Variants in PCDHA6 observed in about 807,000 individuals in gnomAD.
PCDHA6 encodes protocadherin alpha 6.
In PCDHA6, 55 loss-of-function variants were observed where a neutral mutation model predicts 60.3. That is an observed-to-expected ratio of 0.91 (90% CI 0.73 to 1.14). PCDHA6 has a LOEUF of 1.14. PCDHA6 is among the 50% of genes most tolerant of loss of function. The probability of loss-of-function intolerance (pLI) is 0.00; values close to 1 mark genes in which losing one functional copy is unlikely to be tolerated. For synonymous variants in PCDHA6, 652 were observed against 557.9 expected (o/e 1.17, Z -2.38); for missense variants, 1,327 against 1,256.5 (o/e 1.06, Z -0.85).
intron 1 of PCDHA6, among the ~76,000 whole-genome samples, chr5:140,844,649 T>G (rs1416986157): frequency 6.7e-6 from 1 of 149,658 alleles, no homozygotes; most frequent in Non-Finnish European, 1.5e-5. Flanking sequence ...AATTTCATTC[T>G]TGCAAACCAA....
At chr5:140,905,944 A>G (rs2072219566) in intron 1 of PCDHA6, among the ~76,000 whole-genome samples, 3 of 152,216 alleles carry the variant, frequency 2.0e-5, no homozygotes, top group Non-Finnish European at 4.4e-5. Flanking sequence ...AGAACTTGGA[A>G]TCCGATGTTC....
intron 1 of PCDHA6, among the ~76,000 whole-genome samples, chr5:140,965,073 TCTGA>T (rs1372324599): frequency 1.3e-5 from 2 of 152,186 alleles, no homozygotes; most frequent in African/African-American, 4.8e-5. Context: ...CAGGTCTCAC[TCTGA>T]CTTTGTTCCA....
intron 1 of PCDHA6, chr5:140,877,849 TA>T: frequency 6.5e-7 from 1 of 1,545,946 alleles, no homozygotes; most frequent in Non-Finnish European, 8.7e-7. Context: ...AGTAAGTTAT[TA>T]ATATTATTTA....
At chr5:140,963,424 G>A (rs898407658) in intron 1 of PCDHA6, among the ~76,000 whole-genome samples, 7 of 152,194 alleles carry the variant, frequency 4.6e-5, no homozygotes, top group Non-Finnish European at 1.0e-4. Flanking sequence ...GCATGTTTAG[G>A]AACTAACTTC....
At chr5:140,905,408 C>G (rs1374273315) in intron 1 of PCDHA6, among the ~76,000 whole-genome samples, 1 of 152,142 alleles carries the variant, frequency 6.6e-6, no homozygotes, top group Non-Finnish European at 1.5e-5. Flanking sequence ...TATTTTTATA[C>G]CAGTACCATG....
At chr5:140,871,418 G>A in intron 1 of PCDHA6, 4 of 1,613,874 alleles carry the variant, frequency 2.5e-6, no homozygotes, top group Admixed American at 1.7e-5. Context: ...ATGGCCTTCA[G>A]CCCCAGTCTT....
chr5:140,842,961 G>A (rs1778431157), intron 1 of PCDHA6: 1 of 1,594,950 alleles, frequency 6.3e-7, no homozygotes, highest in African/African-American at 1.3e-5. Context: ...CCTCTGGGCA[G>A]CAACGTGACG....
intron 1 of PCDHA6, among the ~76,000 whole-genome samples, chr5:140,881,178 G>A (rs924852150): frequency 2.0e-5 from 3 of 152,098 alleles, no homozygotes; most frequent in African/African-American, 7.2e-5. Flanking sequence ...TCTTTTCCTT[G>A]CTAAAGATAT....
At chr5:140,905,855 A>G (rs1297642648) in intron 1 of PCDHA6, among the ~76,000 whole-genome samples, 1 of 152,128 alleles carries the variant, frequency 6.6e-6, no homozygotes, top group East Asian at 1.9e-4. Context: ...AGGAGTATTA[A>G]CTCACACAAT....
intron 1 of PCDHA6, chr5:140,969,414 G>C: frequency 6.4e-7 from 1 of 1,566,012 alleles, no homozygotes; most frequent in Non-Finnish European, 8.7e-7. Context: ...GCTTTATTGA[G>C]TCATTAACAG....
At chr5:140,923,616 A>T (rs2081445050) in intron 1 of PCDHA6, among the ~76,000 whole-genome samples, 1 of 152,234 alleles carries the variant, frequency 6.6e-6, no homozygotes, top group African/African-American at 2.4e-5. Flanking sequence ...TTATCTGGTC[A>T]TCTTATCCAA....
At chr5:140,832,767 T>C (rs1197167280) in intron 1 of PCDHA6, among the ~76,000 whole-genome samples, 1 of 152,180 alleles carries the variant, frequency 6.6e-6, no homozygotes, top group Non-Finnish European at 1.5e-5. Context: ...AAGAATATTG[T>C]AAGAGGTGCT....
rs764735564 is a variant in PCDHA6, at chr5:140,871,304, G to A, written c.2394+40819G>A. On this transcript the variant is annotated intron_variant, in intron 1 of 3. Transcript: ENST00000529310. ...CCCACTGAGGGCGCGTGCGCGCCGG[G>A]GAAGCCCACGCTGGTGTGCTCCCGC... 4.3e-6 allele frequency: 7 copies of A among 1,613,850 alleles called. No individual in the cohort carries two copies. In the East Asian group the frequency reaches 1.3e-4, roughly 31 times the overall value.
In PCDHA6 at chr5:140,883,981, C is replaced by T. The variant is rs781859248; in HGVS notation, c.2394+53496C>T. 9.3e-6 allele frequency: 15 copies of T among 1,612,896 alleles called. No homozygotes were observed. In the South Asian group the frequency reaches 1.5e-4, roughly 17 times the overall value. ...CGGCGCTGCTGACGCCCGGGGCTGG[C>T]AGCGCGGGAGGCACAGTGAGCGAGC... On this transcript the variant is annotated intron_variant, in intron 1 of 3. Coordinates refer to ENST00000529310, the MANE Select transcript of PCDHA6 (RefSeq NM_018909.4).
At chr5:140,899,964 T>A (rs543512832) in intron 1 of PCDHA6, among the ~76,000 whole-genome samples, 3 of 151,824 alleles carry the variant, frequency 2.0e-5, no homozygotes, top group African/African-American at 7.3e-5. Flanking sequence ...TGTGCTGCCA[T>A]GCCCAGCTAC....
intron 3 of PCDHA6, among the ~76,000 whole-genome samples, chr5:140,985,239 A>C (rs2097143502): frequency 6.6e-6 from 1 of 152,008 alleles, no homozygotes; most frequent in South Asian, 2.1e-4. Flanking sequence ...GCCTGGCCTA[A>C]TCTTCTTACT....
chr5:140,869,381 A>G, intron 1 of PCDHA6: 2 of 1,614,128 alleles, frequency 1.2e-6, no homozygotes, highest in South Asian at 1.1e-5. Flanking sequence ...ATCGACCGCG[A>G]GGAGCTGTGC....
At chr5:140,986,102 C>T (rs782067384) in intron 3 of PCDHA6, among the ~76,000 whole-genome samples, 14 of 152,102 alleles carry the variant, frequency 9.2e-5, no homozygotes, top group Non-Finnish European at 1.5e-5. Flanking sequence ...CTGCAAAAGC[C>T]TAAGATAAAG....
At chr5:140,849,750 T>G in intron 1 of PCDHA6, 1 of 1,598,370 alleles carries the variant, frequency 6.3e-7, no homozygotes, top group Admixed American at 1.7e-5. Context: ...CGAGAGTGTG[T>G]CCGCCTACGA....
Sources: allele counts gnomAD v4.1 joint callset (sites outside exome capture counted in the v4.1 genomes callset), GRCh38; gene constraint gnomAD v4.1.1; transcripts MANE v1.5; gene names NCBI Gene and HGNC (gene_info 2026-07-23, HGNC 2026-07-21).